DNAH3: variants seen among roughly 807,000 people sequenced by gnomAD.
DNAH3 encodes the protein axonemal beta dynein heavy chain 3.
Under a neutral mutation model 432.5 loss-of-function variants are expected in DNAH3, and 332 were observed. The ratio of observed to expected loss-of-function variants is 0.77; its 90% CI spans 0.70 to 0.84. The LOEUF is 0.84. DNAH3 is among the 40% of genes least tolerant of loss of function. The pLI is 0.00. For synonymous variants in DNAH3, 1,956 were observed against 1,900.2 expected, an observed-to-expected ratio of 1.03 and a Z score of -0.76; for missense variants, 4,861 against 5,114.0, an observed-to-expected ratio of 0.95 and a Z score of 1.51.
At chr16:21,136,118 G>C (rs952133894) in intron 6 of DNAH3, among the ~76,000 whole-genome samples, 1 of 151,864 alleles carries the variant, frequency 6.6e-6, no homozygotes, top group Non-Finnish European at 1.5e-5. Context: ...TGAGAAGAAA[G>C]AAGATGCCTT....
intron 41 of DNAH3, among the ~76,000 whole-genome samples, chr16:21,011,703 CTGTT>C (rs762524334): frequency 2.0e-5 from 3 of 151,996 alleles, no homozygotes; most frequent in Non-Finnish European, 2.9e-5. Flanking sequence ...TTCAGGAAAA[CTGTT>C]TGGTATCTTC....
At chr16:21,058,236 G>T in intron 26 of DNAH3, 40 bp from the exon 27 acceptor site, 3 of 1,301,548 alleles carry the variant, frequency 2.3e-6, no homozygotes, top group Non-Finnish European at 3.3e-6. Flanking sequence ...ATCAGTTCAC[G>T]TGTGGTTTAA....
chr16:21,078,520 C>T (rs1034726617), intron 20 of DNAH3, among the ~76,000 whole-genome samples: 1 of 152,078 alleles, frequency 6.6e-6, no homozygotes, highest in Admixed American at 6.5e-5. Context: ...AAGGCAGGTG[C>T]CAGCCCAGAT....
intron 37 of DNAH3, among the ~76,000 whole-genome samples, chr16:21,028,193 G>A (rs1471850619): frequency 6.6e-6 from 1 of 151,812 alleles, no homozygotes; most frequent in Non-Finnish European, 1.5e-5. Context: ...TTAAATCAAT[G>A]TTTCCATAAT....
At chr16:21,030,970 T>C in intron 37 of DNAH3, 75 bp downstream of exon 37, 1 of 1,482,816 alleles carries the variant, frequency 6.7e-7, no homozygotes, top group Non-Finnish European at 9.3e-7. Flanking sequence ...TCTATATAGT[T>C]TTGATCAATC....
chr16:21,120,233 A>G (rs1370866040), intron 11 of DNAH3, among the ~76,000 whole-genome samples: 5 of 151,176 alleles, frequency 3.3e-5, no homozygotes, highest in Admixed American at 6.6e-5. Context: ...CCTCCTGAGT[A>G]GCTAGGACTA....
At chr16:21,071,933 G>A (rs1390707357) in intron 21 of DNAH3, among the ~76,000 whole-genome samples, 1 of 152,040 alleles carries the variant, frequency 6.6e-6, no homozygotes. Flanking sequence ...CTAGACCTGC[G>A]GTTTCCACAC....
At position 21,140,530 on chromosome 16, in the gene DNAH3, A is replaced by C. The variant is rs764397465; in HGVS notation, c.696+6T>G. The C allele has an allele frequency of 3.1e-6, 5 of 1,612,772 alleles. No homozygotes were observed. The highest frequency in any genetic ancestry group is 1.7e-4 in the Middle Eastern group (1 of 6,034). ...AACCGAGGGAAAGGGGGCAACAGGA[A>C]CGTACCTCCAGGTCCGATTCAGATG... On this transcript the variant is annotated splice_donor_region_variant and intron_variant, in intron 5 of 61. Coordinates refer to ENST00000261383, the Ensembl canonical transcript of DNAH3.
chr16:21,140,823 C>CCT (rs1444828332), intron 4 of DNAH3, 113 bp from the exon 6 acceptor site: 5 of 898,420 alleles, frequency 5.6e-6, no homozygotes, highest in Non-Finnish European at 8.6e-6. Context: ...AAGCCTCTCT[C>CCT]CTCTGTGTCA....
chr16:21,116,367 C>T (rs1482455851), intron 12 of DNAH3, among the ~76,000 whole-genome samples: 1 of 151,922 alleles, frequency 6.6e-6, no homozygotes, highest in Non-Finnish European at 1.5e-5. Flanking sequence ...ATGCTGTTCT[C>T]GTGACAGTGA....
intron 1 of DNAH3, among the ~76,000 whole-genome samples, chr16:21,154,517 G>A (rs920137816): frequency 6.6e-5 from 10 of 152,190 alleles, no homozygotes; most frequent in African/African-American, 2.2e-4. Context: ...GTCTACTAGT[G>A]TTTAAAACTA....
chr16:20,935,785 G>A (rs1013631476), intron 60 of DNAH3, among the ~76,000 whole-genome samples: 5 of 150,942 alleles, frequency 3.3e-5, no homozygotes, highest in Non-Finnish European at 7.4e-5. Context: ...AGAGGTTGCA[G>A]TGAGCCAAGA....
intron 60 of DNAH3, 69 bp from the exon 61 acceptor site, chr16:20,935,554 T>A: frequency 6.6e-7 from 1 of 1,518,072 alleles, no homozygotes; most frequent in Non-Finnish European, 8.9e-7. Context: ...GCAAGTAATG[T>A]AACGAGTACC....
Position 21,151,453 on chromosome 16 carries a change from C to T in DNAH3, c.118-5365G>A, listed in dbSNP as rs374040643. ...CTCCTGCCTCAGCCTCCCACCAGTG[C>T]GCCCAGCTAATTTTTTGTATTTTTA... On this transcript the variant is annotated intron_variant, in intron 1 of 61. Coordinates refer to ENST00000261383, the Ensembl canonical transcript of DNAH3. 5.3e-5 allele frequency among the ~76,000 whole-genome samples: 8 copies of T among 151,818 alleles called. No homozygotes were observed. The East Asian group carries it at 5.8e-4, about 11-fold the overall frequency.
At chr16:20,976,833 C>T (rs1167271108) in intron 50 of DNAH3, among the ~76,000 whole-genome samples, 1 of 152,120 alleles carries the variant, frequency 6.6e-6, no homozygotes, top group Non-Finnish European at 1.5e-5. Context: ...GGGAAAGAGC[C>T]CCCACCAGAC....
chr16:21,054,328 C>T, intron 28 of DNAH3, 92 bp downstream of exon 28: 1 of 985,568 alleles, frequency 1.0e-6, no homozygotes, highest in Non-Finnish European at 1.5e-6. Flanking sequence ...GAAGGAAACC[C>T]TGAATTATTC....
At chr16:20,999,809 G>C (rs1319520968) in intron 43 of DNAH3, among the ~76,000 whole-genome samples, 1 of 152,186 alleles carries the variant, frequency 6.6e-6, no homozygotes, top group African/African-American at 2.4e-5. Flanking sequence ...GCAAGTATTA[G>C]GTTCCTCCAT....
chr16:20,952,151 T>C (rs1173332526), intron 56 of DNAH3, among the ~76,000 whole-genome samples: 1 of 152,220 alleles, frequency 6.6e-6, no homozygotes, highest in African/African-American at 2.4e-5. Context: ...GTGCTGAGAT[T>C]ACAGGCATGA....
In DNAH3 at chr16:20,975,322, C is replaced by A. The variant is rs2085536361; in HGVS notation, c.8170G>T (p.Glu2724Ter). ...TTCTTTCCATCAGCTTCTCTCGTCT[C>A]CGCTTCAATTTTCACCATCATCTTG... The change falls in exon 51 of 62, where the codon GAG becomes TAG. Residue 2724 changes from glutamate (E) to a stop codon, truncating the protein, a stop_gained. Coordinates refer to ENST00000261383, the Ensembl canonical transcript of DNAH3. LOFTEE classifies it high-confidence loss of function. 3.1e-6 allele frequency: 5 copies of A among 1,614,084 alleles called. No individual in the cohort carries two copies. The highest frequency in any genetic ancestry group is 4.2e-6 in the Non-Finnish European group (5 of 1,180,052).
Sources: gnomAD v4.1 joint callset for allele counts (sites outside exome capture counted in the v4.1 genomes callset) on GRCh38, gnomAD v4.1.1 for gene constraint, MANE v1.5 for transcripts, NCBI Gene and HGNC (gene_info 2026-07-23, HGNC 2026-07-21) for gene names.